The following HIVEP3 variants were observed in gnomAD, a reference collection of about 807,000 sequenced individuals.
The protein encoded by HIVEP3 is HIVEP zinc finger 3.
A neutral mutation model predicts 152.8 loss-of-function variants in HIVEP3; 49 were observed. The observed-to-expected ratio is 0.32, with a 90% CI of 0.26 to 0.41. The LOEUF is 0.41. HIVEP3 is among the 10% of genes least tolerant of loss of function. HIVEP3 has a pLI of 1.00. For synonymous variants in HIVEP3, 1,269 were observed against 1,289.0 expected (o/e 0.98, Z 0.33); for missense variants, 2,790 against 3,103.3 (o/e 0.90, Z 2.40).
At chr1:41,590,793 A>G (rs1322926134) in intron 3 of HIVEP3, among the ~76,000 whole-genome samples, 1 of 152,174 alleles carries the variant, frequency 6.6e-6, no homozygotes, top group Non-Finnish European at 1.5e-5. Flanking sequence ...AGCACAAGAC[A>G]GGCACCTGTA....
rs995553935 is a variant in HIVEP3 at position 42,031,182 on chromosome 1, T to C, written n.119+4625A>G. On this transcript the variant is annotated intron_variant and non_coding_transcript_variant, in intron 1 of 3. Coordinates refer to the HIVEP3 transcript ENST00000489103. ...AGTTTCCCTTCTTGACCTTCCCTTC[T>C]AGACCTGCCTCTACCAATTACCCCT... is the stretch of plus-strand genomic sequence containing the variant. Among the ~76,000 whole-genome samples, 42 of 152,324 alleles carry C rather than the reference T, an allele frequency of 2.8e-4. 1 individual carries two copies. The highest frequency in any genetic ancestry group is 9.9e-4 in the African/African-American group (41 of 41,570).
rs1642520097 is a variant in HIVEP3, at chr1:41,513,701, C to T, written c.5520G>A (p.Glu1840=). ...FQDSEGREGS[E]AVEEHQFSDL... is the part of the protein sequence containing the mutation. Reference sequence around the variant, plus strand: ...CCGAAAACTGGTGCTCCTCCACAGCCTCTGAACCCTCTCGTCCTTCCGAGT... The same window carrying T: ...CCGAAAACTGGTGCTCCTCCACAGCTTCTGAACCCTCTCGTCCTTCCGAGT... The change falls in exon 8 of 9, where the codon GAG becomes GAA. Residue 1840 remains glutamate, a synonymous_variant. Transcript: ENST00000372583. The T allele has an allele frequency of 1.2e-6, 2 of 1,604,478 alleles. No homozygotes were observed. Among genetic ancestry groups the T allele is most frequent in the Admixed American group, 3.4e-5 (2 of 58,770 alleles).
At chr1:41,820,383 T>C (rs1317700484) in intron 1 of HIVEP3, among the ~76,000 whole-genome samples, 2 of 152,198 alleles carry the variant, frequency 1.3e-5, no homozygotes, top group African/African-American at 4.8e-5. Context: ...TAGTCCTAGT[T>C]AACACATGCT....
At chr1:41,884,819 G>A (rs1644318677) in intron 1 of HIVEP3, among the ~76,000 whole-genome samples, 1 of 101,642 alleles carries the variant, frequency 9.8e-6, no homozygotes, top group African/African-American at 3.9e-5. Flanking sequence ...TGCCCCACTT[G>A]GCAGAGGGCA....
intron 5 of HIVEP3, among the ~76,000 whole-genome samples, chr1:41,563,600 A>T (rs1446882885): frequency 6.6e-6 from 1 of 151,946 alleles, no homozygotes; most frequent in Non-Finnish European, 1.5e-5. Flanking sequence ...GCTATGGGGA[A>T]CTCGCCGTCA....
intron 1 of HIVEP3, among the ~76,000 whole-genome samples, chr1:42,028,297 G>A (rs1645593493): frequency 6.6e-6 from 1 of 152,122 alleles, no homozygotes; most frequent in Admixed American, 6.6e-5. Context: ...CTAGAATAGT[G>A]CCTGGCATTA....
chr1:41,570,229 G>A (rs1644232156), intron 5 of HIVEP3, among the ~76,000 whole-genome samples: 1 of 152,226 alleles, frequency 6.6e-6, no homozygotes, highest in African/African-American at 2.4e-5. Flanking sequence ...TGGTGAGAAA[G>A]TGTAACCAGT....
At chr1:41,978,557 C>T (rs1557547479) in intron 1 of HIVEP3, among the ~76,000 whole-genome samples, 2 of 152,334 alleles carry the variant, frequency 1.3e-5, no homozygotes, top group East Asian at 3.9e-4. Flanking sequence ...GGACTTCCAG[C>T]TTCCAGAACT....
At chr1:41,526,932 C>T (rs1558028527) in intron 5 of HIVEP3, among the ~76,000 whole-genome samples, 2 of 145,470 alleles carry the variant, frequency 1.4e-5, no homozygotes, top group Non-Finnish European at 3.0e-5. Context: ...CCCTCACATG[C>T]TCACCCTCAC....
intron 1 of HIVEP3, among the ~76,000 whole-genome samples, chr1:41,867,724 G>A (rs1334772707): frequency 6.6e-6 from 1 of 152,260 alleles, no homozygotes; most frequent in East Asian, 1.9e-4. Flanking sequence ...TCTCCACTAC[G>A]AGGTGCCATC....
chr1:41,632,439 T>C (rs1221529155), intron 2 of HIVEP3, among the ~76,000 whole-genome samples: 1 of 151,294 alleles, frequency 6.6e-6, no homozygotes, highest in Admixed American at 6.6e-5. Context: ...ACAAAGGGAG[T>C]CATGTAAGAA....
chr1:41,962,011 C>T (rs145811602), intron 1 of HIVEP3, among the ~76,000 whole-genome samples: 2 of 152,274 alleles, frequency 1.3e-5, no homozygotes, highest in South Asian at 4.1e-4. Context: ...ATTAGAGGCA[C>T]CATAAGCCAA....
At chr1:41,899,233 C>T (rs765041442) in intron 1 of HIVEP3, among the ~76,000 whole-genome samples, 1 of 152,130 alleles carries the variant, frequency 6.6e-6, no homozygotes, top group African/African-American at 2.4e-5. Flanking sequence ...GAAATGTGGG[C>T]TCTCATCTGA....
intron 7 of HIVEP3, among the ~76,000 whole-genome samples, chr1:41,516,247 G>C (rs1052343310): frequency 6.8e-6 from 1 of 146,708 alleles, no homozygotes; most frequent in East Asian, 2.1e-4. Context: ...GCGCGCGGCG[G>C]GCGCCGCTGG....
At chr1:41,713,350 T>C (rs1410626700) in intron 1 of HIVEP3, among the ~76,000 whole-genome samples, 1 of 152,214 alleles carries the variant, frequency 6.6e-6, no homozygotes, top group East Asian at 1.9e-4. Context: ...TCCCTGAGCC[T>C]CCTGCCTGGG....
intron 1 of HIVEP3, among the ~76,000 whole-genome samples, chr1:41,827,237 C>T (rs1642830789): frequency 6.6e-6 from 1 of 152,194 alleles, no homozygotes; most frequent in Non-Finnish European, 1.5e-5. Flanking sequence ...CCATTAAAAT[C>T]GCCTTTTCCA....
chr1:41,756,238 T>C (rs1410258596), intron 1 of HIVEP3, among the ~76,000 whole-genome samples: 1 of 152,190 alleles, frequency 6.6e-6, no homozygotes, highest in Non-Finnish European at 1.5e-5. Context: ...ATTATAGAGA[T>C]AGAGGACAAA....
intron 1 of HIVEP3, among the ~76,000 whole-genome samples, chr1:41,991,875 T>C (rs1645364072): frequency 8.0e-6 from 1 of 124,558 alleles, no homozygotes; most frequent in African/African-American, 3.4e-5. Context: ...ATCCAGCATA[T>C]AAACAGAGCC....
intron 1 of HIVEP3, among the ~76,000 whole-genome samples, chr1:42,006,523 C>T (rs1049726190): frequency 2.9e-5 from 4 of 140,104 alleles, no homozygotes; most frequent in African/African-American, 1.1e-4. Context: ...TACATGTTAA[C>T]ATAAGTAACA....
Sources: allele counts gnomAD v4.1 joint callset (sites outside exome capture counted in the v4.1 genomes callset), GRCh38; gene constraint gnomAD v4.1.1; transcripts MANE v1.5; gene names NCBI Gene and HGNC (gene_info 2026-07-23, HGNC 2026-07-21).